SRP68: variants seen among roughly 807,000 people sequenced by gnomAD.
The protein encoded by SRP68 is signal recognition particle 68, also known as signal recognition particle subunit SRP68.
Under a neutral mutation model 82.2 loss-of-function variants are expected in SRP68, and 15 were observed. The observed-to-expected ratio is 0.18, with a 90% CI of 0.12 to 0.28. The LOEUF (loss-of-function observed/expected upper bound fraction) is 0.28, where lower values mean the gene tolerates loss of function less well. Among genes scored for constraint, SRP68 ranks in the 10% least tolerant of loss-of-function variants. The pLI is 1.00. For synonymous variants in SRP68, 261 were observed against 292.6 expected, an observed-to-expected ratio of 0.89 and a Z score of 1.10; for missense variants, 595 against 780.5, an observed-to-expected ratio of 0.76 and a Z score of 2.83.
chr17:76,053,992 C>A (rs1312020352), intron 8 of SRP68, among the ~76,000 whole-genome samples: 1 of 152,186 alleles, frequency 6.6e-6, no homozygotes, highest in Non-Finnish European at 1.5e-5. Context: ...AAACTCCCTG[C>A]ACAAAAATTG....
chr17:76,043,087 GACCCCCATCTCT>G (rs1341265460), intron 13 of SRP68, among the ~76,000 whole-genome samples: 1 of 151,982 alleles, frequency 6.6e-6, no homozygotes, highest in East Asian at 1.9e-4. Flanking sequence ...AACATAGTGA[GACCCCCATCTCT>G]ACAAAAAAAT....
intron 8 of SRP68, among the ~76,000 whole-genome samples, 153 bp from the exon 9 acceptor site, chr17:76,050,679 C>T: frequency 8.9e-6 from 1 of 112,176 alleles, no homozygotes; most frequent in Non-Finnish European, 1.9e-5. Context: ...CTGTTCTCTA[C>T]CATATAATGG....
rs948536417 is a variant in SRP68, at chr17:76,045,226, G to A, written c.1394+66C>T. On this transcript the variant is annotated intron_variant, in intron 12 of 15. Coordinates refer to ENST00000307877, the MANE Select transcript of SRP68 (RefSeq NM_014230.4). ...AACGGTCCCATCTGCTGTGGGCTGG[G>A]TCATGCTCCCAATGCTTATAGAACC... 6 of 1,280,044 alleles carry A rather than the reference G, an allele frequency of 4.7e-6. No homozygotes were observed. The African/African-American group carries it at 7.4e-5, about 16-fold the overall frequency. 79.3% of individuals were successfully genotyped at this position (1,280,044 alleles called of 1,614,324 possible).
intron 1 of SRP68, among the ~76,000 whole-genome samples, chr17:76,070,848 ATG>A (rs1491430826): frequency 1.6e-4 from 20 of 125,072 alleles, no homozygotes; most frequent in South Asian, 2.4e-4. Context: ...ACACATGCAC[ATG>A]CACACACACA....
Position 76,060,237 on chromosome 17 carries a change from T to C in SRP68, c.837+71A>G, listed in dbSNP as rs2066743092. ...TCCATATATTAATATCAAATATCCCTAGGGGATTATGAATTACTCCTTCTG... is the reference window on the plus strand; with the variant it reads ...TCCATATATTAATATCAAATATCCCCAGGGGATTATGAATTACTCCTTCTG... On this transcript the variant is annotated intron_variant, in intron 7 of 15. Transcript: ENST00000307877. 40 of 909,442 alleles carry C rather than the reference T, an allele frequency of 4.4e-5. No homozygotes were observed. In the South Asian group the frequency reaches 5.6e-4, roughly 13 times the overall value. The allele number at this position is 909,442 out of a possible 1,614,324, so 56.3% of individuals were successfully genotyped here.
chr17:76,060,618 T>C (rs995309472), intron 6 of SRP68: 38 of 482,538 alleles, frequency 7.9e-5, no homozygotes, highest in Non-Finnish European at 1.2e-4. Flanking sequence ...GAAACATTTG[T>C]CCAAACCCAT....
intron 11 of SRP68, 136 bp downstream of exon 11, chr17:76,045,902 A>C: frequency 9.4e-6 from 10 of 1,063,018 alleles, no homozygotes; most frequent in South Asian, 1.4e-5. Context: ...AACTGGTGTA[A>C]GATCTTTGTC....
At chr17:76,061,793 C>T (rs2066754079) in intron 4 of SRP68, 1 of 299,826 alleles carries the variant, frequency 3.3e-6, no homozygotes, top group Non-Finnish European at 6.1e-6. Context: ...GACCCTGCCT[C>T]TACAAAAAAA....
chr17:76,070,850 G>GCACATGCACA lies in SRP68; in HGVS notation c.185-407_185-406insTGTGCATGTG, dbSNP rs149422993. ...GTGAGATTCAGTCACACATGCACATGCACACACACACACACACACACACAC... is the reference window on the plus strand; with the variant it reads ...GTGAGATTCAGTCACACATGCACATGCACATGCACACACACACACACACACACACACACAC... On this transcript the variant is annotated intron_variant, in intron 1 of 15. Coordinates refer to ENST00000307877, the MANE Select transcript of SRP68 (RefSeq NM_014230.4). Among the ~76,000 whole-genome samples, 609 of 146,886 alleles carry GCACATGCACA rather than the reference G, an allele frequency of 4.1e-3. 9 individuals are homozygous for GCACATGCACA. Among genetic ancestry groups the GCACATGCACA allele is most frequent in the African/African-American group, 0.014 (571 of 39,902 alleles).
At chr17:76,065,290 A>C (rs1030733713) in intron 3 of SRP68, among the ~76,000 whole-genome samples, 2 of 151,974 alleles carry the variant, frequency 1.3e-5, no homozygotes, top group Non-Finnish European at 2.9e-5. Context: ...TCTTTACAAA[A>C]GAAAAAAAGA....
intron 4 of SRP68, among the ~76,000 whole-genome samples, chr17:76,063,720 T>TA (rs1459836216): frequency 6.7e-6 from 1 of 149,594 alleles, no homozygotes; most frequent in East Asian, 1.9e-4. Context: ...CAGCTAGTTA[T>TA]AAAAAACCAA....
At chr17:76,061,009 G>GAAGA (rs2066748597) in intron 6 of SRP68, 101 bp downstream of exon 6, 1 of 777,560 alleles carries the variant, frequency 1.3e-6, no homozygotes, top group Admixed American at 2.2e-5. Context: ...GGCAAGCGAA[G>GAAGA]AAGAAAGTTA....
chr17:76,047,331 G>A (rs1236475796), intron 10 of SRP68, among the ~76,000 whole-genome samples: 4 of 152,114 alleles, frequency 2.6e-5, no homozygotes, highest in African/African-American at 9.7e-5. Context: ...GCCTCCCAAA[G>A]TATTGGGATT....
At chr17:76,055,754 TA>T (rs747656393) in intron 8 of SRP68, among the ~76,000 whole-genome samples, 2,029 of 139,064 alleles carry the variant, frequency 0.015, 13 homozygotes, top group Non-Finnish European at 0.018. Flanking sequence ...ACTCTGTCTT[TA>T]AAAAAAAAAA....
rs2066609685 is a variant in SRP68, at chr17:76,043,844, G to A, written c.1509C>T (p.Phe503=). 1 of 1,603,412 alleles carries A rather than the reference G, an allele frequency of 6.2e-7. No homozygotes were observed. Among genetic ancestry groups the A allele is most frequent in the African/African-American group, 1.4e-5 (1 of 74,068 alleles). Residue 503 remains phenylalanine (F), a synonymous_variant, in exon 13 of 16, where the codon TTC becomes TTT. Coordinates refer to ENST00000307877, the MANE Select transcript of SRP68 (RefSeq NM_014230.4). The part of the protein sequence containing the change: ...ANEVNSDAGA[F]KNSLKDLPDV... The stretch of plus-strand genomic sequence containing the variant: ...AACCTCTCACCTTTAGGCTGTTCTT[G>A]AAGGCGCCAGCATCAGAATTTACTT...
At chr17:76,063,931 GT>G in intron 4 of SRP68, 44 bp downstream of exon 4, 1 of 1,520,116 alleles carries the variant, frequency 6.6e-7, no homozygotes. Flanking sequence ...TTTTTAAAAT[GT>G]CTTTAATCTC....
chr17:76,060,584 T>C (rs1056401345), intron 6 of SRP68, 194 bp from the exon 7 acceptor site: 5 of 545,622 alleles, frequency 9.2e-6, no homozygotes, highest in Non-Finnish European at 1.6e-5. Context: ...CTCCATATGG[T>C]ATATAATGGT....
At position 76,071,456 on chromosome 17, in the gene SRP68, TA is replaced by T. The variant is rs1360831551; in HGVS notation, c.184+851del. Among the ~76,000 whole-genome samples, 2 of 152,310 alleles carry T rather than the reference TA, an allele frequency of 1.3e-5. No homozygotes were observed. Among genetic ancestry groups the T allele is most frequent in the East Asian group, 3.9e-4 (2 of 5,190 alleles). ...AGACATATTTTAAAATAGTGAACGC[TA>T]AAAGGACTCTTTAAATTACTAAAAC... On this transcript the variant is annotated intron_variant, in intron 1 of 15. Coordinates refer to ENST00000307877, the MANE Select transcript of SRP68 (RefSeq NM_014230.4). The surrounding 1 kb of genome is among the most constrained non-coding windows in gnomAD (Gnocchi z 4.7).
At position 76,047,124 on chromosome 17, in the gene SRP68, G is replaced by A. The variant is rs1053067437; in HGVS notation, c.1142+782C>T. On this transcript the variant is annotated intron_variant, in intron 10 of 15. Transcript: ENST00000307877. The stretch of plus-strand genomic sequence containing the variant: ...AAACACTGGTTGTGTTCTCGTTTTT[G>A]TTTTGAGAATCTTGAGTCAGGGCTG... 3.3e-5 allele frequency among the ~76,000 whole-genome samples: 5 copies of A among 152,166 alleles called. No homozygotes were observed. The East Asian group carries it at 9.7e-4, about 29-fold the overall frequency.
Sources: allele counts gnomAD v4.1 joint callset (sites outside exome capture counted in the v4.1 genomes callset), GRCh38; gene constraint gnomAD v4.1.1; non-coding constraint Gnocchi (gnomAD v3.1); transcripts MANE v1.5; gene names NCBI Gene and HGNC (gene_info 2026-07-23, HGNC 2026-07-21).